Variants in CIMIP6 observed in about 807,000 individuals in gnomAD.
CIMIP6 encodes the protein uncharacterized protein C2orf73.
the CIMIP6 span, among the ~76,000 whole-genome samples, chr2:54,340,954 G>C: frequency 6.6e-6 from 1 of 152,098 alleles, no homozygotes; most frequent in African/African-American, 2.4e-5. Context: ...GATGGAGTGA[G>C]ACCCTGGCTC....
the CIMIP6 span, chr2:54,381,803 T>G: frequency 1.2e-5 from 18 of 1,508,968 alleles, no homozygotes; most frequent in Non-Finnish European, 1.6e-5. Context: ...CCATCAGACT[T>G]TTTCCCATAA....
At chr2:54,338,981 C>A in the CIMIP6 span, among the ~76,000 whole-genome samples, 7 of 70,400 alleles carry the variant, frequency 9.9e-5, no homozygotes, top group East Asian at 1.2e-3. Context: ...GAGACCCCCC[C>A]CCATCTCTAC....
chr2:54,376,064 C>T, the CIMIP6 span, among the ~76,000 whole-genome samples: 2 of 152,144 alleles, frequency 1.3e-5, no homozygotes, highest in South Asian at 2.1e-4. Flanking sequence ...GAGACAGTGA[C>T]TCACTCTGTT....
the CIMIP6 span, among the ~76,000 whole-genome samples, chr2:54,368,626 G>A: frequency 6.6e-6 from 1 of 152,224 alleles, no homozygotes; most frequent in Non-Finnish European, 1.5e-5. Flanking sequence ...TGTGATTTAT[G>A]GTGAGGGGTC....
At chr2:54,345,858 T>C in the CIMIP6 span, among the ~76,000 whole-genome samples, 1 of 152,212 alleles carries the variant, frequency 6.6e-6, no homozygotes, top group East Asian at 1.9e-4. Context: ...CAACAGAAGA[T>C]TCTAAAAGTT....
the CIMIP6 span, chr2:54,360,335 T>A: frequency 6.2e-7 from 1 of 1,610,838 alleles, no homozygotes; most frequent in Non-Finnish European, 8.5e-7. Flanking sequence ...GAAAGGAAAC[T>A]CAGCGGAAAG....
chr2:54,334,634 T>A, the CIMIP6 span, among the ~76,000 whole-genome samples: 1 of 152,204 alleles, frequency 6.6e-6, no homozygotes, highest in African/African-American at 2.4e-5. Context: ...CCTTTATCGC[T>A]TATATGATTT....
the CIMIP6 span, among the ~76,000 whole-genome samples, chr2:54,375,653 A>G: frequency 6.6e-6 from 1 of 152,344 alleles, no homozygotes; most frequent in Middle Eastern, 3.4e-3. Context: ...GCATATTTAC[A>G]AGGACATCTA....
chr2:54,344,572 G>A, the CIMIP6 span, among the ~76,000 whole-genome samples: 2 of 152,140 alleles, frequency 1.3e-5, no homozygotes, highest in Non-Finnish European at 2.9e-5. Context: ...GAGAGAGTCA[G>A]AGAGTTACTT....
the CIMIP6 span, among the ~76,000 whole-genome samples, chr2:54,333,933 C>T: frequency 2.6e-5 from 4 of 151,926 alleles, no homozygotes; most frequent in Admixed American, 2.0e-4. Flanking sequence ...AGAGATGGAC[C>T]TGGCATTCGT....
At chr2:54,347,609 G>A in the CIMIP6 span, among the ~76,000 whole-genome samples, 4 of 152,106 alleles carry the variant, frequency 2.6e-5, no homozygotes, top group African/African-American at 9.7e-5. Flanking sequence ...GGCTTTTTCT[G>A]GGTTCATAAG....
chr2:54,363,467 AACTTTTCAAG>A, the CIMIP6 span, among the ~76,000 whole-genome samples: 17 of 152,270 alleles, frequency 1.1e-4, no homozygotes, highest in South Asian at 3.1e-3. Flanking sequence ...GCAGTTCCCT[AACTTTTCAAG>A]TTGATAAATG....
At chr2:54,356,230 T>G in the CIMIP6 span, among the ~76,000 whole-genome samples, 1 of 151,900 alleles carries the variant, frequency 6.6e-6, no homozygotes, top group Non-Finnish European at 1.5e-5. Context: ...TGGGGGAATG[T>G]TGGAGGAAGA....
the CIMIP6 span, among the ~76,000 whole-genome samples, chr2:54,354,417 T>C: frequency 1.2e-3 from 184 of 152,238 alleles, no homozygotes; most frequent in Non-Finnish European, 2.4e-3. Context: ...TATATATTAA[T>C]TTAGGAAAAA....
chr2:54,350,707 A>G, the CIMIP6 span, among the ~76,000 whole-genome samples: 1 of 152,250 alleles, frequency 6.6e-6, no homozygotes, highest in Non-Finnish European at 1.5e-5. Context: ...CCAATTTAAC[A>G]GACTACCACA....
the CIMIP6 span, among the ~76,000 whole-genome samples, chr2:54,354,105 T>A: frequency 6.6e-6 from 1 of 152,180 alleles, no homozygotes; most frequent in Admixed American, 6.5e-5. Flanking sequence ...TATAAAATAA[T>A]CTGCACTTTT....
At chr2:54,343,075 C>A in the CIMIP6 span, among the ~76,000 whole-genome samples, 10 of 152,112 alleles carry the variant, frequency 6.6e-5, no homozygotes, top group African/African-American at 2.4e-4. Flanking sequence ...CCCCTTAGAA[C>A]AAAGTTTATC....
chr2:54,369,730 G>A, the CIMIP6 span, among the ~76,000 whole-genome samples: 2 of 152,148 alleles, frequency 1.3e-5, no homozygotes, highest in African/African-American at 4.8e-5. Context: ...AAGGTAGTTT[G>A]TAAACCAATG....
At chr2:54,354,943 G>C in the CIMIP6 span, among the ~76,000 whole-genome samples, 1 of 151,734 alleles carries the variant, frequency 6.6e-6, no homozygotes, top group Non-Finnish European at 1.5e-5. Context: ...AAAAATTTTT[G>C]TTATTTTCTT....
Sources: allele counts gnomAD v4.1 joint callset (sites outside exome capture counted in the v4.1 genomes callset), GRCh38; gene constraint gnomAD v4.1.1; transcripts MANE v1.5; gene names NCBI Gene and HGNC (gene_info 2026-07-23, HGNC 2026-07-21).